The following TMEM212 variants were observed in gnomAD, a reference collection of about 807,000 sequenced individuals.
TMEM212 encodes the protein transmembrane protein 212.
TMEM212 carries 23 observed loss-of-function variants against 20.5 expected under a neutral mutation model. That is an observed-to-expected ratio of 1.12 (90% confidence interval 0.81 to 1.59). TMEM212 has a LOEUF of 1.59. Ranked by LOEUF, TMEM212 falls within the 40% of genes most tolerant of loss-of-function variation. TMEM212 has a pLI of 0.00. For synonymous variants in TMEM212, 76 were observed against 81.6 expected, an observed-to-expected ratio of 0.93 and a Z score of 0.37; for missense variants, 211 against 215.0, an observed-to-expected ratio of 0.98 and a Z score of 0.12.
intron 1 of TMEM212, among the ~76,000 whole-genome samples, chr3:171,849,272 C>T (rs889762936): frequency 2.0e-5 from 3 of 152,150 alleles, no homozygotes; most frequent in Non-Finnish European, 4.4e-5. Context: ...TCGATGTTTC[C>T]CCTGTAAGTG....
intron 2 of TMEM212, among the ~76,000 whole-genome samples, 174 bp downstream of exon 2, chr3:171,852,215 T>C (rs1270427426): frequency 6.6e-6 from 1 of 152,174 alleles, no homozygotes; most frequent in African/African-American, 2.4e-5. Flanking sequence ...ATTTTTTTTT[T>C]TTTGAGACGG....
At chr3:171,845,153 G>C (rs568756758) in intron 1 of TMEM212, among the ~76,000 whole-genome samples, 1 of 152,158 alleles carries the variant, frequency 6.6e-6, no homozygotes, top group African/African-American at 2.4e-5. Context: ...GGAATGCAGA[G>C]ATGGCAGTTA....
At chr3:171,856,626 GC>G in intron 3 of TMEM212, 36 bp from the exon 4 acceptor site, 1 of 673,016 alleles carries the variant, frequency 1.5e-6, no homozygotes, top group South Asian at 1.6e-5. Flanking sequence ...TATTTAAGAA[GC>G]CTTATCAAAT....
rs1407531742 is a variant in TMEM212 at position 171,859,181 on chromosome 3, A to T, written c.*1124A>T. On this transcript the variant is annotated 3_prime_UTR_variant, in exon 5 of 5. Coordinates refer to ENST00000334567, the MANE Select transcript of TMEM212 (RefSeq NM_001164436.2). Reference sequence around the variant, plus strand: ...GGGAGGCTGGGGGAGGGATAGCATTAGGAGAAATTCCTAATGTAGATGATG... The same window carrying T: ...GGGAGGCTGGGGGAGGGATAGCATTTGGAGAAATTCCTAATGTAGATGATG... The T allele has an allele frequency of 3.4e-4, 51 of 152,136 alleles. 2 individuals are homozygous for T. Among genetic ancestry groups the T allele is most frequent in the Admixed American group, 3.1e-3 (47 of 15,268 alleles). 9.4% of individuals were successfully genotyped at this position (152,136 alleles called of 1,614,324 possible).
At chr3:171,853,410 T>A in intron 2 of TMEM212, 117 bp from the exon 3 acceptor site, 59 of 781,378 alleles carry the variant, frequency 7.6e-5, no homozygotes, top group East Asian at 1.8e-4. Flanking sequence ...GATTTCTCCC[T>A]CATTTTCCAA....
chr3:171,849,363 T>G (rs550929844), intron 1 of TMEM212, among the ~76,000 whole-genome samples: 2 of 152,364 alleles, frequency 1.3e-5, no homozygotes, highest in South Asian at 4.1e-4. Flanking sequence ...GTGTGTGCAT[T>G]ATTTTTACAC....
chr3:171,852,157 T>C, intron 2 of TMEM212, 116 bp downstream of exon 2: 1 of 822,858 alleles, frequency 1.2e-6, no homozygotes, highest in Non-Finnish European at 1.9e-6. Context: ...TTTGGTCTAA[T>C]TGATGCCTTA....
intron 1 of TMEM212, among the ~76,000 whole-genome samples, chr3:171,844,719 A>C (rs889056647): frequency 6.6e-6 from 1 of 152,182 alleles, no homozygotes; most frequent in African/African-American, 2.4e-5. Context: ...ACAAACAAAC[A>C]AAATGTAGCC....
chr3:171,844,047 C>T (rs1724777511), intron 1 of TMEM212, among the ~76,000 whole-genome samples: 1 of 152,142 alleles, frequency 6.6e-6, no homozygotes, highest in Admixed American at 6.5e-5. Flanking sequence ...CTGAAAATAA[C>T]TCAATAATTT....
At chr3:171,845,828 G>C (rs1191014354) in intron 1 of TMEM212, among the ~76,000 whole-genome samples, 2 of 152,134 alleles carry the variant, frequency 1.3e-5, no homozygotes, top group African/African-American at 4.8e-5. Flanking sequence ...CAGATAAAAA[G>C]AGCCCACGTG....
intron 1 of TMEM212, among the ~76,000 whole-genome samples, chr3:171,850,758 T>C (rs1560326341): frequency 6.6e-6 from 1 of 152,210 alleles, no homozygotes. Context: ...GATGGTTCTG[T>C]TTTTATCCAT....
chr3:171,851,016 T>G (rs1358323232), intron 1 of TMEM212, among the ~76,000 whole-genome samples: 1 of 152,204 alleles, frequency 6.6e-6, no homozygotes, highest in Non-Finnish European at 1.5e-5. Context: ...TGCTGATTTT[T>G]TTTCCTCCTT....
rs1199088995 is a variant in TMEM212, at chr3:171,853,613, C to T, written c.306C>T (p.Gly102=). The stretch of plus-strand genomic sequence containing the variant: ...TAGCCTTGGAATCTGCTCTCCTGGG[C>T]CCATATTGCTTCTATTCATTTTCAG... ...FAIALESALL[G]PYCFYSFSGI... The change falls in exon 3 of 5, where the codon GGC becomes GGT. Residue 102 remains glycine, a synonymous_variant. Transcript: ENST00000334567. The T allele has an allele frequency of 3.9e-6, 6 of 1,537,080 alleles. No individual in the cohort carries two copies. In the African/African-American group the frequency reaches 4.1e-5, roughly 11 times the overall value.
At position 171,853,427 on chromosome 3, in the gene TMEM212, A is replaced by C. The variant is rs1047836609; in HGVS notation, c.220-100A>C. The C allele has an allele frequency of 3.9e-5, 38 of 966,010 alleles. No homozygotes were observed. The African/African-American group carries it at 5.1e-4, about 13-fold the overall frequency. The allele number at this position is 966,010 out of a possible 1,614,324, so 59.8% of individuals were successfully genotyped here. A position where few individuals can be genotyped will look rare whatever the true frequency, so the allele number is the denominator to read the frequency against. On this transcript the variant is annotated intron_variant, in intron 2 of 4. Coordinates refer to ENST00000334567, the MANE Select transcript of TMEM212 (RefSeq NM_001164436.2). ...TTTCTCCCTCATTTTCCAATAGGAG[A>C]GATTCATAGCCAGCATCTCTTTTAT... is the stretch of plus-strand genomic sequence containing the variant.
intron 1 of TMEM212, among the ~76,000 whole-genome samples, chr3:171,845,578 A>C (rs1250139500): frequency 6.6e-6 from 1 of 152,210 alleles, no homozygotes; most frequent in Non-Finnish European, 1.5e-5. Flanking sequence ...TTCTAGGCCA[A>C]ACATCTATTT....
intron 1 of TMEM212, among the ~76,000 whole-genome samples, chr3:171,846,206 T>C (rs1192936170): frequency 6.6e-6 from 1 of 152,198 alleles, no homozygotes; most frequent in Non-Finnish European, 1.5e-5. Flanking sequence ...TAAAGCCTCT[T>C]CCTGAACTTG....
intron 1 of TMEM212, among the ~76,000 whole-genome samples, chr3:171,845,179 C>T (rs1724804084): frequency 6.6e-6 from 1 of 152,150 alleles, no homozygotes; most frequent in Non-Finnish European, 1.5e-5. Context: ...ATTCAAGTGG[C>T]TTCCAAACTT....
At chr3:171,853,297 C>T (rs1010558709) in intron 2 of TMEM212, among the ~76,000 whole-genome samples, 2 of 147,594 alleles carry the variant, frequency 1.4e-5, no homozygotes, top group Non-Finnish European at 3.0e-5. Context: ...GCACATCTTG[C>T]ACATGTATCC....
intron 1 of TMEM212, among the ~76,000 whole-genome samples, chr3:171,849,814 T>C (rs934151134): frequency 2.6e-5 from 4 of 152,180 alleles, no homozygotes; most frequent in African/African-American, 7.2e-5. Context: ...ATCAAAGTGT[T>C]AGCAGTAATT....
Sources: gnomAD v4.1 joint callset for allele counts (sites outside exome capture counted in the v4.1 genomes callset) on GRCh38, gnomAD v4.1.1 for gene constraint, MANE v1.5 for transcripts, NCBI Gene and HGNC (gene_info 2026-07-23, HGNC 2026-07-21) for gene names.